Variants in NT5DC3 observed in about 807,000 individuals in gnomAD.
NT5DC3 encodes 5'-nucleotidase domain-containing protein 3.
A neutral mutation model predicts 67.8 loss-of-function variants in NT5DC3; 42 were observed. The observed-to-expected ratio is 0.62, with a 90% CI of 0.48 to 0.80. The LOEUF (loss-of-function observed/expected upper bound fraction) is 0.80, where lower values mean the gene tolerates loss of function less well. Among genes scored for constraint, NT5DC3 ranks in the 30% least tolerant of loss-of-function variants. The probability of loss-of-function intolerance (pLI) is 0.00; values close to 1 mark genes in which losing one functional copy is unlikely to be tolerated. For missense variants in NT5DC3, 570 were observed against 696.4 expected (o/e 0.82, Z 2.04); for synonymous variants, 237 against 255.6 (o/e 0.93, Z 0.69).
At chr12:103,803,976 T>C (rs1046574456) in intron 4 of NT5DC3, among the ~76,000 whole-genome samples, 1 of 151,966 alleles carries the variant, frequency 6.6e-6, no homozygotes, top group Non-Finnish European at 1.5e-5. Flanking sequence ...TGGGTCTGAA[T>C]TCTAGCCCAG....
chr12:103,837,460 G>T (rs779405747), intron 1 of NT5DC3, among the ~76,000 whole-genome samples: 2 of 152,140 alleles, frequency 1.3e-5, no homozygotes, highest in Non-Finnish European at 2.9e-5. Flanking sequence ...CTTTTCTACT[G>T]CATCGTCAGC....
intron 9 of NT5DC3, among the ~76,000 whole-genome samples, chr12:103,789,527 T>G (rs1365835100): frequency 6.6e-6 from 1 of 152,182 alleles, no homozygotes; most frequent in African/African-American, 2.4e-5. Flanking sequence ...TATTGATGGC[T>G]CTGAAAAGCC....
rs1222229376 is a variant in NT5DC3, at chr12:103,777,900, C to G, written c.1576G>C (p.Glu526Gln). The G allele has an allele frequency of 5.0e-6, 8 of 1,614,168 alleles. No individual in the cohort carries two copies. Among genetic ancestry groups the G allele is most frequent in the Non-Finnish European group, 6.8e-6 (8 of 1,180,028 alleles). The change falls in exon 14 of 14, where the codon GAA (glutamate) becomes CAA (glutamine). Residue 526 changes from glutamate (E) to glutamine (Q), a missense_variant. Coordinates refer to ENST00000392876, the MANE Select transcript of NT5DC3 (RefSeq NM_001031701.3). ...FYPRRTPLQH[E>Q]LPAWSERPPT... ...GGCCTTTCTGACCAGGCGGGCAGTT[C>G]GTGCTGCAGTGGAGTCCTCCGGGGG...
At chr12:103,749,552 G>A in the NT5DC3 span, among the ~76,000 whole-genome samples, 4 of 151,834 alleles carry the variant, frequency 2.6e-5, no homozygotes, top group African/African-American at 4.8e-5. Context: ...AAAGCTGGCC[G>A]GGCACGGTGG....
At chr12:103,757,820 C>T in the NT5DC3 span, 1 of 259,930 alleles carries the variant, frequency 3.8e-6, no homozygotes, top group Non-Finnish European at 7.7e-6. Flanking sequence ...TGCTTTGGGC[C>T]TCGTGAGCTG....
rs1208924896 is a variant in NT5DC3 at position 103,774,911 on chromosome 12, G to A, written c.*2918C>T. ...AGTAGTCCCAGCTACTCGGGAGGCT[G>A]AGGCACGAAAATTGCTTGAACCTGG... On this transcript the variant is annotated 3_prime_UTR_variant, in exon 14 of 14. Transcript: ENST00000392876. 1 of 151,618 alleles carries A rather than the reference G, an allele frequency of 6.6e-6. No individual in the cohort carries two copies. The highest frequency in any genetic ancestry group is 1.5e-5 in the Non-Finnish European group (1 of 68,056). 9.4% of individuals were successfully genotyped at this position (151,618 alleles called of 1,614,324 possible).
intron 13 of NT5DC3, among the ~76,000 whole-genome samples, chr12:103,779,378 G>C (rs1179316871): frequency 1.3e-5 from 2 of 152,130 alleles, no homozygotes. Flanking sequence ...CTGCTAATAA[G>C]TCATTTACAA....
rs879124886 is a variant in NT5DC3 at position 103,776,967 on chromosome 12, A to G, written c.*862T>C. 3 of 152,042 alleles carry G rather than the reference A, an allele frequency of 2.0e-5. No individual in the cohort carries two copies. The highest frequency in any genetic ancestry group is 2.0e-4 in the Admixed American group (3 of 15,272). 9.4% of individuals were successfully genotyped at this position (152,042 alleles called of 1,614,324 possible). A position where few individuals can be genotyped will look rare whatever the true frequency, so the allele number is the denominator to read the frequency against. ...TGACAAAGATGCTTTTTCCTGGTTC[A>G]TTTTCTTTCTTCCAATGAGCAGATG... is the stretch of plus-strand genomic sequence containing the variant. On this transcript the variant is annotated 3_prime_UTR_variant, in exon 14 of 14. Transcript: ENST00000392876.
At chr12:103,780,246 A>G in intron 13 of NT5DC3, 54 bp downstream of exon 13, 1 of 1,462,714 alleles carries the variant, frequency 6.8e-7, no homozygotes, top group Non-Finnish European at 9.6e-7. Flanking sequence ...ATGTGGGCTG[A>G]GCACAGCCAG....
the NT5DC3 span, among the ~76,000 whole-genome samples, chr12:103,762,056 CAAT>C: frequency 6.6e-6 from 1 of 152,172 alleles, no homozygotes; most frequent in Middle Eastern, 3.2e-3. Flanking sequence ...AGTTCTCCCA[CAAT>C]AATAACTCTC....
At chr12:103,833,639 TCCACAA>T (rs1888023355) in intron 1 of NT5DC3, among the ~76,000 whole-genome samples, 1 of 151,466 alleles carries the variant, frequency 6.6e-6, no homozygotes, top group African/African-American at 2.4e-5. Context: ...CATACTTCTT[TCCACAA>T]TTTAATACAG....
intron 1 of NT5DC3, chr12:103,820,987 C>T (rs1052517303): frequency 6.6e-6 from 1 of 152,296 alleles, no homozygotes; most frequent in East Asian, 1.9e-4. Context: ...GATCATAATC[C>T]TCCCTCCACT....
At chr12:103,750,764 A>C in the NT5DC3 span, 18 of 1,573,158 alleles carry the variant, frequency 1.1e-5, no homozygotes, top group Non-Finnish European at 1.6e-5. Context: ...CCTCCTCTTC[A>C]GGCCTGGGGA....
chr12:103,773,555 A>G lies in NT5DC3; in HGVS notation c.*4274T>C, dbSNP rs143772353. The stretch of plus-strand genomic sequence containing the variant: ...AAGCTCCTAAGGCAAAAAAGAAAGA[A>G]AGAAAAACCTGGTACAAAAGAAAGT... On this transcript the variant is annotated 3_prime_UTR_variant, in exon 14 of 14. Coordinates refer to ENST00000392876, the MANE Select transcript of NT5DC3 (RefSeq NM_001031701.3). 6.6e-6 allele frequency: 1 copy of G among 152,358 alleles called. No homozygotes were observed. Among genetic ancestry groups the G allele is most frequent in the East Asian group, 1.9e-4 (1 of 5,182 alleles). 9.4% of individuals were successfully genotyped at this position (152,358 alleles called of 1,614,324 possible).
At chr12:103,766,552 T>C, downstream of NT5DC3, 1 of 552,702 alleles carries the variant, frequency 1.8e-6, no homozygotes, top group Non-Finnish European at 3.2e-6. Flanking sequence ...TTGGCTCTTC[T>C]TCCTTTGTAC....
At chr12:103,755,639 A>G in the NT5DC3 span, 2 of 1,614,126 alleles carry the variant, frequency 1.2e-6, no homozygotes, top group Non-Finnish European at 1.7e-6. Context: ...AAGGTGGGCT[A>G]TGTGGGAGAT....
intron 1 of NT5DC3, among the ~76,000 whole-genome samples, chr12:103,837,294 C>T (rs957631252): frequency 6.6e-6 from 1 of 152,230 alleles, no homozygotes; most frequent in Non-Finnish European, 1.5e-5. Context: ...CCCTCCTGGG[C>T]CTCCAAGCAT....
chr12:103,827,286 A>G (rs1887736750), intron 1 of NT5DC3, among the ~76,000 whole-genome samples: 1 of 152,226 alleles, frequency 6.6e-6, no homozygotes, highest in African/African-American at 2.4e-5. Flanking sequence ...AATTAATTAA[A>G]TGAATCAATA....
intron 1 of NT5DC3, among the ~76,000 whole-genome samples, chr12:103,825,813 A>T (rs1566127149): frequency 6.6e-6 from 1 of 152,172 alleles, no homozygotes; most frequent in Non-Finnish European, 1.5e-5. Context: ...AAATAGGCAA[A>T]CTCAAAAATT....
Sources: gnomAD v4.1 joint callset for allele counts (sites outside exome capture counted in the v4.1 genomes callset) on GRCh38, gnomAD v4.1.1 for gene constraint, MANE v1.5 for transcripts, NCBI Gene and HGNC (gene_info 2026-07-23, HGNC 2026-07-21) for gene names.